Variants in PTGES2 observed in about 807,000 individuals in gnomAD.
PTGES2 encodes prostaglandin E synthase 2.
PTGES2 carries 35 observed loss-of-function variants against 44.5 expected under a neutral mutation model. The observed-to-expected ratio is 0.79, with a 90% CI of 0.60 to 1.04. The LOEUF (loss-of-function observed/expected upper bound fraction) is 1.04, where lower values mean the gene tolerates loss of function less well. Ranked by LOEUF, PTGES2 falls within the 50% of genes least tolerant of loss-of-function variation. PTGES2 has a pLI of 0.00. For synonymous variants in PTGES2, 221 were observed against 227.5 expected (o/e 0.97, Z 0.26); for missense variants, 517 against 521.4 (o/e 0.99, Z 0.08).
chr9:128,122,328 C>T (rs1245312693), intron 6 of PTGES2, 34 bp downstream of exon 6: 13 of 1,551,774 alleles, frequency 8.4e-6, no homozygotes, highest in African/African-American at 1.4e-5. Context: ...ACAGAACCCT[C>T]GGTCCAGGCA....
At chr9:128,122,773 A>C in intron 5 of PTGES2, 161 bp downstream of exon 5, 1 of 750,280 alleles carries the variant, frequency 1.3e-6, no homozygotes, top group Non-Finnish European at 2.2e-6. Flanking sequence ...CTCTGGGTCC[A>C]AGTCCCATCT....
chr9:128,122,560 G>C, intron 5 of PTGES2, 81 bp from the exon 6 acceptor site: 1 of 1,241,798 alleles, frequency 8.1e-7, no homozygotes, highest in Non-Finnish European at 1.2e-6. Context: ...TGGGGAGAGG[G>C]GGGAGGTGTG....
At chr9:128,126,293 A>G (rs1383441933) in intron 1 of PTGES2, among the ~76,000 whole-genome samples, 1 of 152,126 alleles carries the variant, frequency 6.6e-6, no homozygotes, top group African/African-American at 2.4e-5. Flanking sequence ...CAAGTAATGA[A>G]GAGTTGCAAG....
chr9:128,123,250 CTTTTT>C lies in PTGES2; in HGVS notation c.687-121_687-117del. The C allele has an allele frequency of 1.5e-6, 1 of 682,840 alleles. No individual in the cohort carries two copies. Among genetic ancestry groups the C allele is most frequent in the Non-Finnish European group, 2.3e-6 (1 of 428,034 alleles). 42.3% of individuals were successfully genotyped at this position (682,840 alleles called of 1,614,324 possible). On this transcript the variant is annotated intron_variant, in intron 4 of 6. Coordinates refer to ENST00000338961, the MANE Select transcript of PTGES2 (RefSeq NM_025072.7). This position sits in a 1 kb window ranked among gnomAD's most constrained non-coding sequence, Gnocchi z 4.4. The stretch of plus-strand genomic sequence containing the variant: ...GAAGCTGAAGCCTGAGCAGGAAGGT[CTTTTT>C]TTTTTTTTTGAGACAAAGTCTCGCT...
chr9:128,121,651 G>A (rs978489314), intron 6 of PTGES2, among the ~76,000 whole-genome samples: 12 of 152,236 alleles, frequency 7.9e-5, no homozygotes, highest in South Asian at 2.1e-4. Flanking sequence ...GCTGGCTCAC[G>A]CCTGTAGTCC....
chr9:128,125,549 G>T (rs185449530), intron 1 of PTGES2, 108 bp from the exon 2 acceptor site: 15 of 1,017,540 alleles, frequency 1.5e-5, no homozygotes, highest in Admixed American at 1.3e-4. Flanking sequence ...CTAGAACATC[G>T]GGAAGAGGAA....
intron 5 of PTGES2, 45 bp downstream of exon 5, chr9:128,122,889 C>T (rs760119654): frequency 2.1e-5 from 33 of 1,600,414 alleles, no homozygotes; most frequent in Non-Finnish European, 2.4e-5. Flanking sequence ...CTCGTGGCAC[C>T]GGAGGCTCGG....
chr9:128,128,115 C>T (rs943398785), upstream of PTGES2: 15 of 369,510 alleles, frequency 4.1e-5, no homozygotes, highest in Middle Eastern at 4.0e-4. Flanking sequence ...AGAGTCAGTA[C>T]AGGCGCCGCG....
Position 128,121,148 on chromosome 9 carries a change from G to A in PTGES2, c.1131C>T (p.His377=). Residue 377 remains histidine (H), a synonymous_variant, in exon 7 of 7, where the codon CAC becomes CAT. Transcript: ENST00000338961. ...CCTCTGCTCTGCGCGGGGACATTCAGTGCGCTGGGGAGGCCTCGGTGATGG... is the reference window on the plus strand; with the variant it reads ...CCTCTGCTCTGCGCGGGGACATTCAATGCGCTGGGGAGGCCTCGGTGATGG... ...ERAITEASPA[H] is the part of the protein sequence containing the mutation. 1 of 1,584,570 alleles carries A rather than the reference G, an allele frequency of 6.3e-7. No homozygotes were observed. The highest frequency in any genetic ancestry group is 1.2e-5 in the South Asian group (1 of 86,816).
At chr9:128,126,898 G>A (rs111904778) in intron 1 of PTGES2, among the ~76,000 whole-genome samples, 10 of 151,372 alleles carry the variant, frequency 6.6e-5, no homozygotes, top group African/African-American at 2.2e-4. Flanking sequence ...CATGGTAAAG[G>A]CTGGGCGCAG....
Position 128,123,098 on chromosome 9 carries a change from C to A in PTGES2, c.723G>T (p.Trp241Cys), listed in dbSNP as rs1485208325. The change falls in exon 5 of 7, where the codon TGG becomes TGT. Residue 241 changes from tryptophan to cysteine, a missense_variant. Transcript: ENST00000338961. The surrounding 1 kb of genome is among the most constrained non-coding windows in gnomAD (Gnocchi z 4.4). ...CATTGGGGGAGATCAGGTGCACCAG[C>A]CAGTCGTCCGCCCACTGCCGCCACT... Reference protein sequence around the residue: ...EMKWRQWADDWLVHLISPNVY... With the variant: ...EMKWRQWADDCLVHLISPNVY... 1.9e-6 allele frequency: 3 copies of A among 1,611,602 alleles called. No individual in the cohort carries two copies. The South Asian group carries it at 3.3e-5, about 18-fold the overall frequency.
In PTGES2 at chr9:128,122,596, G is replaced by C; in HGVS notation, c.888-117C>G. On this transcript the variant is annotated intron_variant, in intron 5 of 6. Transcript: ENST00000338961. The stretch of plus-strand genomic sequence containing the variant: ...GAAGCCAGGACGGCACCCCAGGTGA[G>C]AGCATCACATCTGCAGACGCCTCAG... The C allele has an allele frequency of 1.4e-5, 12 of 830,466 alleles. No individual in the cohort carries two copies. The South Asian group carries it at 1.7e-4, about 12-fold the overall frequency. 51.4% of individuals were successfully genotyped at this position (830,466 alleles called of 1,614,324 possible).
chr9:128,128,199 C>A, upstream of PTGES2: 1 of 393,660 alleles, frequency 2.5e-6, no homozygotes, highest in Non-Finnish European at 5.1e-6. Flanking sequence ...GCCCTCCCGC[C>A]TCATTGTCCG....
chr9:128,127,830 C>T (rs894592398), upstream of PTGES2: 55 of 1,035,616 alleles, frequency 5.3e-5, no homozygotes, highest in African/African-American at 8.4e-5. Flanking sequence ...GTGAGGGCGA[C>T]GCTAAGGGAA....
chr9:128,127,408 C>T, intron 1 of PTGES2, 31 bp downstream of exon 1: 1 of 1,335,202 alleles, frequency 7.5e-7, no homozygotes, highest in Non-Finnish European at 9.6e-7. Flanking sequence ...CGCTGATCAG[C>T]ATCCCCATCC....
upstream of PTGES2, chr9:128,127,796 C>G (rs1280247690): frequency 2.5e-6 from 3 of 1,209,840 alleles, no homozygotes; most frequent in African/African-American, 4.7e-5. Context: ...GGCCAGGACT[C>G]TGGCGCCCCG....
chr9:128,127,894 C>A (rs1346424850), upstream of PTGES2: 1 of 557,176 alleles, frequency 1.8e-6, no homozygotes, highest in Non-Finnish European at 2.7e-6. Context: ...TCGAAACGCC[C>A]GCCAGAGCCG....
Position 128,124,548 on chromosome 9 carries a change from T to C in PTGES2, c.480A>G (p.Gln160=), listed in dbSNP as rs572320812. Residue 160 remains glutamine (Q), a splice_region_variant and synonymous_variant, in exon 3 of 7, where the codon CAA becomes CAG. Coordinates refer to ENST00000338961, the MANE Select transcript of PTGES2 (RefSeq NM_025072.7). ...ILVAQEGESS[Q]QLNDSSVIIS... is the part of the protein sequence containing the mutation. ...TGATGACAGAGGAGTCATTTAGTTG[T>C]TGCTGGAAGAGAAAAGGGTGGTTTA... is the stretch of plus-strand genomic sequence containing the variant. 1 of 1,613,234 alleles carries C rather than the reference T, an allele frequency of 6.2e-7. No individual in the cohort carries two copies. Among genetic ancestry groups the C allele is most frequent in the African/African-American group, 1.3e-5 (1 of 75,014 alleles).
At position 128,122,424 on chromosome 9, in the gene PTGES2, C is replaced by A; in HGVS notation, c.943G>T (p.Val315Leu). 6.2e-7 allele frequency: 1 copy of A among 1,614,234 alleles called. No individual in the cohort carries two copies. The highest frequency in any genetic ancestry group is 2.2e-5 in the East Asian group (1 of 44,890). The change falls in exon 6 of 7, where the codon GTG becomes TTG. Residue 315 changes from valine to leucine, a missense_variant. Transcript: ENST00000338961. ...EDLYEAADKW[V>L]AAVGKDRPFM... ...GGCCGGTCCTTGCCCACAGCAGCCA[C>A]CCACTTGTCAGCAGCCTCATAGAGG... is the stretch of plus-strand genomic sequence containing the variant.
Sources: allele counts gnomAD v4.1 joint callset (sites outside exome capture counted in the v4.1 genomes callset), GRCh38; gene constraint gnomAD v4.1.1; non-coding constraint Gnocchi (gnomAD v3.1); transcripts MANE v1.5; gene names NCBI Gene and HGNC (gene_info 2026-07-23, HGNC 2026-07-21).